The following TNFSF4 variants were observed in gnomAD, a reference collection of about 807,000 sequenced individuals.
The protein encoded by TNFSF4 is tumor necrosis factor ligand superfamily member 4.
A neutral mutation model predicts 7.3 loss-of-function variants in TNFSF4; 4 were observed. The ratio of observed to expected loss-of-function variants is 0.55; its 90% CI spans 0.27 to 1.25. The LOEUF (loss-of-function observed/expected upper bound fraction) is 1.25. Among genes scored for constraint, TNFSF4 ranks in the 50% most tolerant of loss-of-function variants. TNFSF4 has a pLI of 0.12. For synonymous variants in TNFSF4, 76 were observed against 83.7 expected (o/e 0.91, Z 0.50); for missense variants, 181 against 208.8 (o/e 0.87, Z 0.82).
the TNFSF4 span, among the ~76,000 whole-genome samples, chr1:173,371,598 C>A: frequency 6.6e-6 from 1 of 152,086 alleles, no homozygotes; most frequent in Admixed American, 6.6e-5. Flanking sequence ...TTTAAAAGTT[C>A]AAGCCTTAGT....
chr1:173,256,610 C>T, the TNFSF4 span, among the ~76,000 whole-genome samples: 1 of 152,178 alleles, frequency 6.6e-6, no homozygotes, highest in African/African-American at 2.4e-5. Context: ...AACTGAGAAA[C>T]TTTCACAGCC....
At chr1:173,411,707 C>A in the TNFSF4 span, among the ~76,000 whole-genome samples, 2 of 152,154 alleles carry the variant, frequency 1.3e-5, no homozygotes, top group African/African-American at 4.8e-5. Context: ...GAGGCTGAAG[C>A]ATGAGAATCA....
rs1215051942 is a variant in TNFSF4 at position 173,185,992 on chromosome 1, T to TA, written c.*523dup. Reference sequence around the variant, plus strand: ...AATGAGAAAGTTTAAATTTAGGCAATATGCAAACTGCAATCAATTTAACCT... The same window carrying TA: ...AATGAGAAAGTTTAAATTTAGGCAATAATGCAAACTGCAATCAATTTAACCT... On this transcript the variant is annotated 3_prime_UTR_variant, in exon 3 of 3. Coordinates refer to ENST00000281834, the MANE Select transcript of TNFSF4 (RefSeq NM_003326.5). 1 of 152,444 alleles carries TA rather than the reference T, an allele frequency of 6.6e-6. No homozygotes were observed. Among genetic ancestry groups the TA allele is most frequent in the African/African-American group, 2.4e-5 (1 of 41,436 alleles). The allele number at this position is 152,444 out of a possible 1,614,324, so 9.4% of individuals were successfully genotyped here. A position where few individuals can be genotyped will look rare whatever the true frequency, so the allele number is the denominator to read the frequency against.
the TNFSF4 span, among the ~76,000 whole-genome samples, chr1:173,278,909 G>T: frequency 1.3e-5 from 2 of 152,078 alleles, no homozygotes; most frequent in African/African-American, 4.8e-5. Flanking sequence ...GGGTCAAATT[G>T]CTTGTCAACA....
the TNFSF4 span, among the ~76,000 whole-genome samples, chr1:173,320,403 T>C: frequency 3.3e-5 from 5 of 152,228 alleles, no homozygotes; most frequent in Non-Finnish European, 7.3e-5. Context: ...GCTGGAATCA[T>C]TCCCTTTGAA....
chr1:173,278,239 C>G, the TNFSF4 span, among the ~76,000 whole-genome samples: 1 of 152,070 alleles, frequency 6.6e-6, no homozygotes, highest in African/African-American at 2.4e-5. Flanking sequence ...GTAACTATTA[C>G]ATGGCCAGCA....
chr1:173,323,337 A>G, the TNFSF4 span, among the ~76,000 whole-genome samples: 3 of 152,198 alleles, frequency 2.0e-5, no homozygotes, highest in Non-Finnish European at 4.4e-5. Context: ...TGACTATTAG[A>G]AGGAAAACTA....
chr1:173,198,772 G>C (rs187158341), intron 1 of TNFSF4, among the ~76,000 whole-genome samples: 68 of 152,218 alleles, frequency 4.5e-4, no homozygotes, highest in Non-Finnish European at 8.4e-4. Context: ...AAAAAAAGAT[G>C]ATCCCTAGTG....
the TNFSF4 span, among the ~76,000 whole-genome samples, chr1:173,258,474 A>C: frequency 1.3e-5 from 2 of 152,246 alleles, no homozygotes; most frequent in East Asian, 3.9e-4. Flanking sequence ...GATCTATGCA[A>C]CCTGCGGATC....
the TNFSF4 span, among the ~76,000 whole-genome samples, chr1:173,277,197 G>A: frequency 6.6e-6 from 1 of 152,286 alleles, no homozygotes; most frequent in East Asian, 1.9e-4. Flanking sequence ...ACAGAAACCT[G>A]TCTGGGGTGA....
chr1:173,374,373 C>A, the TNFSF4 span, among the ~76,000 whole-genome samples: 3 of 152,254 alleles, frequency 2.0e-5, no homozygotes, highest in East Asian at 5.8e-4. Context: ...GTGGGAAGGA[C>A]CATACTCGGT....
the TNFSF4 span, among the ~76,000 whole-genome samples, chr1:173,427,713 CAG>C: frequency 1.3e-5 from 2 of 152,126 alleles, no homozygotes; most frequent in African/African-American, 4.8e-5. Context: ...GTAAATATCA[CAG>C]AGTGTACTTA....
the TNFSF4 span, among the ~76,000 whole-genome samples, chr1:173,358,761 A>G: frequency 6.6e-6 from 1 of 152,234 alleles, no homozygotes; most frequent in Non-Finnish European, 1.5e-5. Context: ...AATAATATAG[A>G]TGAATGTCAC....
In TNFSF4 at chr1:173,186,470, T is replaced by C. The variant is rs1417213563; in HGVS notation, c.*46A>G. The C allele has an allele frequency of 6.2e-6, 9 of 1,461,956 alleles. No homozygotes were observed. Among genetic ancestry groups the C allele is most frequent in the Non-Finnish European group, 4.7e-6 (5 of 1,061,726 alleles). The allele number at this position is 1,461,956 out of a possible 1,614,324, so 90.6% of individuals were successfully genotyped here. Reference sequence around the variant, plus strand: ...AATCCATGCCCTGTCCACCCCCAGCTTGGTGTTCATGCTGGTGCCTGGTTT... The same window carrying C: ...AATCCATGCCCTGTCCACCCCCAGCCTGGTGTTCATGCTGGTGCCTGGTTT... On this transcript the variant is annotated 3_prime_UTR_variant, in exon 3 of 3. Transcript: ENST00000281834.
the TNFSF4 span, among the ~76,000 whole-genome samples, chr1:173,270,942 A>C: frequency 6.6e-6 from 1 of 152,172 alleles, no homozygotes. Flanking sequence ...TTGAAAGTTC[A>C]TGAGAAAATG....
the TNFSF4 span, among the ~76,000 whole-genome samples, chr1:173,433,768 C>T: frequency 1.4e-4 from 21 of 152,100 alleles, no homozygotes; most frequent in African/African-American, 2.7e-4. Context: ...CAAGTTGTTA[C>T]GGGTTGAATT....
chr1:173,234,443 G>A, the TNFSF4 span, among the ~76,000 whole-genome samples: 6 of 152,176 alleles, frequency 3.9e-5, no homozygotes, highest in African/African-American at 1.4e-4. Flanking sequence ...TCCCATTACT[G>A]GGTATATACC....
the TNFSF4 span, among the ~76,000 whole-genome samples, chr1:173,278,595 T>G: frequency 5.9e-5 from 9 of 152,070 alleles, no homozygotes; most frequent in Non-Finnish European, 1.3e-4. Context: ...AAAATTGCAC[T>G]TTACATCTTA....
chr1:173,442,267 A>C, the TNFSF4 span, among the ~76,000 whole-genome samples: 1 of 152,256 alleles, frequency 6.6e-6, no homozygotes, highest in South Asian at 2.1e-4. Flanking sequence ...TATTCCCACC[A>C]CACAGACCAG....
Sources: allele counts gnomAD v4.1 joint callset (sites outside exome capture counted in the v4.1 genomes callset), GRCh38; gene constraint gnomAD v4.1.1; transcripts MANE v1.5; gene names NCBI Gene and HGNC (gene_info 2026-07-23, HGNC 2026-07-21).